NUGGC: variants seen among roughly 807,000 people sequenced by gnomAD.
NUGGC encodes nuclear GTPase SLIP-GC.
A neutral mutation model predicts 92.6 loss-of-function variants in NUGGC; 58 were observed. That is an observed-to-expected ratio of 0.63 (90% CI 0.51 to 0.78). The LOEUF is 0.78. NUGGC is among the 30% of genes least tolerant of loss of function. NUGGC has a pLI of 0.00. For synonymous variants in NUGGC, 376 were observed against 366.4 expected, an observed-to-expected ratio of 1.03 and a Z score of -0.30; for missense variants, 925 against 964.6, an observed-to-expected ratio of 0.96 and a Z score of 0.54.
At chr8:28,029,181 C>T in intron 17 of NUGGC, 85 bp downstream of exon 17, 2 of 1,417,922 alleles carry the variant, frequency 1.4e-6, no homozygotes, top group Non-Finnish European at 1.9e-6. Context: ...CAAATGCCTA[C>T]TATGCCTTCC....
intron 18 of NUGGC, among the ~76,000 whole-genome samples, chr8:28,024,216 T>C (rs1359113743): frequency 1.4e-5 from 2 of 147,276 alleles, no homozygotes; most frequent in African/African-American, 2.5e-5. Flanking sequence ...TTTTTTTTTT[T>C]GTATTTTTAG....
At position 28,029,252 on chromosome 8, in the gene NUGGC, T is replaced by G; in HGVS notation, c.2154+14A>C. ...CTCTCGGGGTCTAGGATCCAGGATGTGGGCATAGAGTACCTTCAGCTGCTG... is the reference window on the plus strand; with the variant it reads ...CTCTCGGGGTCTAGGATCCAGGATGGGGGCATAGAGTACCTTCAGCTGCTG... On this transcript the variant is annotated intron_variant, in intron 17 of 18. Transcript: ENST00000413272. The G allele has an allele frequency of 6.2e-7, 1 of 1,600,024 alleles. No individual in the cohort carries two copies. The highest frequency in any genetic ancestry group is 8.5e-7 in the Non-Finnish European group (1 of 1,173,082).
intron 1 of NUGGC, among the ~76,000 whole-genome samples, chr8:28,080,530 A>G (rs990688934): frequency 1.3e-5 from 2 of 152,182 alleles, no homozygotes; most frequent in Non-Finnish European, 2.9e-5. Flanking sequence ...CATTTTGGTC[A>G]TTAACATTGG....
chr8:28,058,492 G>A (rs571652975), intron 8 of NUGGC, among the ~76,000 whole-genome samples: 12 of 152,212 alleles, frequency 7.9e-5, no homozygotes, highest in Admixed American at 2.6e-4. Flanking sequence ...TTTGTCAGCT[G>A]TGAACATTTT....
intron 2 of NUGGC, among the ~76,000 whole-genome samples, chr8:28,071,037 C>T (rs1156469507): frequency 6.6e-6 from 1 of 151,926 alleles, no homozygotes; most frequent in African/African-American, 2.4e-5. Context: ...CTCTGTCTGC[C>T]CATAAACTCA....
At chr8:28,046,065 C>G (rs1046200074) in intron 11 of NUGGC, among the ~76,000 whole-genome samples, 1 of 152,010 alleles carries the variant, frequency 6.6e-6, no homozygotes, top group African/African-American at 2.4e-5. Flanking sequence ...CCAGAATAGC[C>G]CATGCTTGCT....
At chr8:28,050,791 A>T (rs1464886035) in intron 10 of NUGGC, among the ~76,000 whole-genome samples, 1 of 151,524 alleles carries the variant, frequency 6.6e-6, no homozygotes, top group Non-Finnish European at 1.5e-5. Flanking sequence ...AGCCTGGGCA[A>T]CAGAGCCAGG....
chr8:28,035,330 G>A (rs1445927104), intron 13 of NUGGC, among the ~76,000 whole-genome samples: 4 of 152,140 alleles, frequency 2.6e-5, no homozygotes, highest in African/African-American at 4.8e-5. Context: ...AACAGTAAAC[G>A]CCTGTCATCT....
At chr8:28,064,432 C>T (rs1158400310) in intron 7 of NUGGC, 90 bp downstream of exon 7, 1 of 1,089,308 alleles carries the variant, frequency 9.2e-7, no homozygotes, top group Non-Finnish European at 1.4e-6. Context: ...ACTCAAAATC[C>T]CTGAAGCTGA....
intron 7 of NUGGC, 89 bp from the exon 8 acceptor site, chr8:28,060,690 C>T (rs1210523207): frequency 7.4e-5 from 87 of 1,171,766 alleles, no homozygotes; most frequent in Non-Finnish European, 1.0e-4. Flanking sequence ...TTAAGCCTCT[C>T]CCTCCAGTCC....
At chr8:28,046,680 AT>A (rs4054869) in intron 11 of NUGGC, among the ~76,000 whole-genome samples, 25,131 of 139,470 alleles carry the variant, frequency 0.18, 2,107 homozygotes, top group South Asian at 0.24. Context: ...TGATAACCCA[AT>A]TTTTTTTTTT....
intron 12 of NUGGC, among the ~76,000 whole-genome samples, chr8:28,042,953 T>A (rs569245589): frequency 6.6e-6 from 1 of 152,382 alleles, no homozygotes; most frequent in South Asian, 2.1e-4. Context: ...TAAAATGCTG[T>A]GAATCTTGGA....
At chr8:28,064,472 G>T in intron 7 of NUGGC, 50 bp downstream of exon 7, 2 of 1,449,390 alleles carry the variant, frequency 1.4e-6, no homozygotes, top group Non-Finnish European at 1.9e-6. Flanking sequence ...GCTTGAGAAA[G>T]GGTAGAGGAG....
In NUGGC at chr8:28,068,254, C is replaced by T. The variant is rs377510806; in HGVS notation, c.442G>A (p.Val148Met). The change falls in exon 5 of 19, where the codon GTG becomes ATG. Residue 148 changes from valine to methionine, a missense_variant. By Grantham distance (21) the Val-to-Met change is conservative. Transcript: ENST00000413272. The part of the protein sequence containing the change: ...CIVQVSSGCC[V>M]QYEAKIHLLS... ...AGGTGGATTTTGGCCTCATACTGCA[C>T]ACAGCAGCCAGAGCTCACTTGTACA... 3 of 1,550,504 alleles carry T rather than the reference C, an allele frequency of 1.9e-6. No individual in the cohort carries two copies. The highest frequency in any genetic ancestry group is 2.6e-6 in the Non-Finnish European group (3 of 1,147,058).
In NUGGC at chr8:28,023,264, TA is replaced by T; in HGVS notation, c.*52del. On this transcript the variant is annotated 3_prime_UTR_variant, in exon 19 of 19. Transcript: ENST00000413272. ...CTCTTAAGAACAAAAAAAGTAATTCTAATTCTCTGGCTCTGGGCTGATTTTT... is the reference window on the plus strand; with the variant it reads ...CTCTTAAGAACAAAAAAAGTAATTCTATTCTCTGGCTCTGGGCTGATTTTT... 1 of 1,557,490 alleles carries T rather than the reference TA, an allele frequency of 6.4e-7. No individual in the cohort carries two copies. The highest frequency in any genetic ancestry group is 8.7e-7 in the Non-Finnish European group (1 of 1,149,498).
intron 6 of NUGGC, among the ~76,000 whole-genome samples, chr8:28,067,003 A>G (rs1034985833): frequency 1.3e-5 from 2 of 152,174 alleles, no homozygotes; most frequent in Admixed American, 6.5e-5. Flanking sequence ...GAAAGGGGAG[A>G]TGTGGCTGAT....
At chr8:28,047,664 G>A in intron 10 of NUGGC, 52 bp from the exon 11 acceptor site, 1 of 1,161,602 alleles carries the variant, frequency 8.6e-7, no homozygotes, top group South Asian at 1.3e-5. Context: ...CATAGCAAAG[G>A]CAATCATGCA....
Position 28,041,130 on chromosome 8 carries a change from G to C in NUGGC, c.1532C>G (p.Ala511Gly), listed in dbSNP as rs1303120846. The C allele has an allele frequency of 6.2e-7, 1 of 1,609,534 alleles. No individual in the cohort carries two copies. The highest frequency in any genetic ancestry group is 1.7e-5 in the Admixed American group (1 of 59,488). Reference protein sequence around the residue: ...LLEKAIAQCFACMEQPLQEGV... With the variant: ...LLEKAIAQCFGCMEQPLQEGV... ...TTCTTGCAGAGGCTGCTCCATGCAG[G>C]CGAAGCACTGTGCGATGGCCTTCTC... Residue 511 changes from alanine to glycine, a missense_variant, in exon 13 of 19, where the codon GCC becomes GGC. Coordinates refer to ENST00000413272, the MANE Select transcript of NUGGC (RefSeq NM_001010906.2).
intron 13 of NUGGC, among the ~76,000 whole-genome samples, chr8:28,034,326 G>C (rs918285266): frequency 6.6e-6 from 1 of 152,120 alleles, no homozygotes; most frequent in African/African-American, 2.4e-5. Context: ...ATCAATTTCG[G>C]CCAGATGGTA....
Sources: allele counts gnomAD v4.1 joint callset (sites outside exome capture counted in the v4.1 genomes callset), GRCh38; gene constraint gnomAD v4.1.1; transcripts MANE v1.5; gene names NCBI Gene and HGNC (gene_info 2026-07-23, HGNC 2026-07-21).